The following C10orf105 variants were observed in gnomAD, a reference collection of about 807,000 sequenced individuals.
The protein encoded by C10orf105 is uncharacterized protein C10orf105.
In C10orf105, 2 loss-of-function variants were observed where a neutral mutation model predicts 0.6. The observed-to-expected ratio is 3.18, with a 90% CI of 1.30 to 10.01. The LOEUF (loss-of-function observed/expected upper bound fraction) is 10.01, where lower values mean the gene tolerates loss of function less well. Among genes scored for constraint, C10orf105 ranks in the 30% most tolerant of loss-of-function variants. C10orf105 has a pLI of 0.04. For missense variants in C10orf105, 209 were observed against 191.4 expected, an observed-to-expected ratio of 1.09 and a Z score of -0.54; for synonymous variants, 95 against 82.4, an observed-to-expected ratio of 1.15 and a Z score of -0.83.
intron 1 of C10orf105, chr10:71,732,741 G>GT: frequency 8.8e-7 from 1 of 1,137,728 alleles, no homozygotes. Flanking sequence ...GTATCCTTCT[G>GT]TTTTTCCTTC....
intron 1 of C10orf105, among the ~76,000 whole-genome samples, chr10:71,718,964 G>A (rs1482900265): frequency 1.3e-5 from 2 of 152,018 alleles, no homozygotes; most frequent in African/African-American, 2.4e-5. Context: ...TGTGGCCCCA[G>A]CTACTCAGGA....
Position 71,715,607 on chromosome 10 carries a change from G to A in C10orf105, c.*329C>T, listed in dbSNP as rs1866178523. On this transcript the variant is annotated 3_prime_UTR_variant, in exon 2 of 2. Transcript: ENST00000441508. ...GGGCAAGGCTTCTGTGGCGAGCGAG[G>A]GTGCTGCTTCTAGGAGGTGGTTACG... 4.2e-6 allele frequency: 1 copy of A among 239,402 alleles called. No individual in the cohort carries two copies. The highest frequency in any genetic ancestry group is 5.4e-5 in the Admixed American group (1 of 18,490). 14.8% of individuals were successfully genotyped at this position (239,402 alleles called of 1,614,324 possible).
At chr10:71,725,565 A>G (rs1368872575) in intron 1 of C10orf105, 5 of 1,589,384 alleles carry the variant, frequency 3.1e-6, no homozygotes, top group Non-Finnish European at 4.3e-6. Flanking sequence ...GGACGGGGCC[A>G]AGCCCACAGC....
chr10:71,732,049 G>A lies in C10orf105; in HGVS notation c.-6+5679C>T, dbSNP rs752118060. On this transcript the variant is annotated intron_variant, in intron 1 of 1. Transcript: ENST00000398786. ...CGCAGAGGGGAAGTTTGAGATTGAC[G>A]AGAGCACAGGGCTTATCATCACCGT... 2.8e-5 allele frequency: 45 copies of A among 1,613,880 alleles called. No individual in the cohort carries two copies. The highest frequency in any genetic ancestry group is 3.4e-5 in the Non-Finnish European group (40 of 1,179,896).
intron 1 of C10orf105, among the ~76,000 whole-genome samples, chr10:71,735,036 A>T (rs757025890): frequency 6.6e-6 from 1 of 152,222 alleles, no homozygotes; most frequent in Non-Finnish European, 1.5e-5. Context: ...GGGTCATGCC[A>T]GCATCCCTGC....
rs530192569 is a variant in C10orf105 at position 71,716,155 on chromosome 10, C to G, written c.183G>C (p.Pro61=). 2.6e-6 allele frequency: 4 copies of G among 1,550,476 alleles called. No homozygotes were observed. The East Asian group carries it at 9.8e-5, about 38-fold the overall frequency. The change falls in exon 2 of 2, where the codon CCG becomes CCC. Residue 61 remains proline, a synonymous_variant. Transcript: ENST00000441508. ...TGCGGCGGCTCGGGTCCAGCGCGGC[C>G]GGCTTGCAGAGCGTCATGAACAGCA... ...TCLLFMTLCK[P]AALDPSRRRA... is the part of the protein sequence containing the mutation.
At chr10:71,719,783 TC>T (rs1866463057), upstream of C10orf105, 1 of 152,482 alleles carries the variant, frequency 6.6e-6, no homozygotes, top group Admixed American at 6.5e-5. Context: ...CAGAGTGGCC[TC>T]CCCGTCACTC....
intron 1 of C10orf105, among the ~76,000 whole-genome samples, chr10:71,733,262 C>T (rs1352829620): frequency 2.6e-5 from 4 of 152,210 alleles, no homozygotes; most frequent in Non-Finnish European, 2.9e-5. Context: ...CCCAGAGCTT[C>T]GGTGCCCTCC....
At chr10:71,732,659 G>A (rs528557869) in intron 1 of C10orf105, 50 of 1,386,044 alleles carry the variant, frequency 3.6e-5, no homozygotes, top group African/African-American at 1.4e-4. Flanking sequence ...AAAAGTCCCC[G>A]AGATCAATAT....
chr10:71,718,052 T>C (rs1866365355), intron 1 of C10orf105: 1 of 152,164 alleles, frequency 6.6e-6, no homozygotes, highest in African/African-American at 2.4e-5. Context: ...TGATAAAAAG[T>C]CATGATTTCC....
chr10:71,736,519 G>A (rs567660520), intron 1 of C10orf105, among the ~76,000 whole-genome samples: 2 of 152,160 alleles, frequency 1.3e-5, no homozygotes, highest in African/African-American at 4.8e-5. Context: ...AGGCCTTCAG[G>A]GGGTAGGGGA....
chr10:71,737,642 G>T (rs930453034), intron 1 of C10orf105: 4 of 464,544 alleles, frequency 8.6e-6, no homozygotes, highest in Non-Finnish European at 1.3e-5. Flanking sequence ...CTGGGGCAGG[G>T]CAGTGGGAGA....
intron 1 of C10orf105, 178 bp from the exon 2 acceptor site, chr10:71,716,520 A>G (rs2132772004): frequency 1.8e-6 from 1 of 545,684 alleles, no homozygotes; most frequent in East Asian, 3.2e-5. Context: ...GTCTAAGTGT[A>G]CACACAGCTG....
rs767126165 is a variant in C10orf105, at chr10:71,715,267, C to G, written c.*669G>C. ...TCAATCCCTTCCTGATTGATCCCAA[C>G]GTGGGTGCCCTGAAGAGGGGCCACC... is the stretch of plus-strand genomic sequence containing the variant. On this transcript the variant is annotated 3_prime_UTR_variant, in exon 2 of 2. Transcript: ENST00000441508. The G allele has an allele frequency of 6.6e-6, 1 of 152,274 alleles. No homozygotes were observed. Among genetic ancestry groups the G allele is most frequent in the Non-Finnish European group, 1.5e-5 (1 of 68,066 alleles). 9.4% of individuals were successfully genotyped at this position (152,274 alleles called of 1,614,324 possible). A position where few individuals can be genotyped will look rare whatever the true frequency, so the allele number is the denominator to read the frequency against.
chr10:71,715,890 A>T lies in C10orf105; in HGVS notation c.*46T>A. The T allele has an allele frequency of 7.0e-7, 1 of 1,428,034 alleles. No homozygotes were observed. Among genetic ancestry groups the T allele is most frequent in the South Asian group, 1.5e-5 (1 of 65,914 alleles). 88.5% of individuals were successfully genotyped at this position (1,428,034 alleles called of 1,614,324 possible). A position where few individuals can be genotyped will look rare whatever the true frequency, so the allele number is the denominator to read the frequency against. The stretch of plus-strand genomic sequence containing the variant: ...ACCGGTCTCTGAAGCAGGAGGATCT[A>T]CAGGTAGACCTAGGGGGATGTGGGG... On this transcript the variant is annotated 3_prime_UTR_variant, in exon 2 of 2. Transcript: ENST00000441508.
At chr10:71,730,909 G>T (rs1010392149) in intron 1 of C10orf105, among the ~76,000 whole-genome samples, 1 of 152,244 alleles carries the variant, frequency 6.6e-6, no homozygotes, top group African/African-American at 2.4e-5. Flanking sequence ...GAGAGGGGCT[G>T]GGCAGAGCTG....
At chr10:71,732,543 G>A (rs41281320) in intron 1 of C10orf105, 19,719 of 1,317,962 alleles carry the variant, frequency 0.015, 184 homozygotes, top group Middle Eastern at 0.019. Context: ...GGGGCAGGAA[G>A]ATTGCTTCAG....
intron 1 of C10orf105, among the ~76,000 whole-genome samples, chr10:71,731,179 C>A (rs999711197): frequency 6.6e-6 from 1 of 152,216 alleles, no homozygotes; most frequent in African/African-American, 2.4e-5. Flanking sequence ...GCCCTCCGTG[C>A]GGCCTGGGCT....
intron 1 of C10orf105, among the ~76,000 whole-genome samples, chr10:71,735,076 A>G (rs1402957178): frequency 1.3e-5 from 2 of 152,236 alleles, no homozygotes; most frequent in Non-Finnish European, 1.5e-5. Flanking sequence ...GGAAGCAGCA[A>G]GAGATTGCAG....
Sources: gnomAD v4.1 joint callset for allele counts (sites outside exome capture counted in the v4.1 genomes callset) on GRCh38, gnomAD v4.1.1 for gene constraint, MANE v1.5 for transcripts, NCBI Gene and HGNC (gene_info 2026-07-23, HGNC 2026-07-21) for gene names.